Variants in TMEM266 observed in about 807,000 individuals in gnomAD.
TMEM266 encodes Hv1 related protein 1.
A neutral mutation model predicts 50.5 loss-of-function variants in TMEM266; 33 were observed. The observed-to-expected ratio is 0.65, with a 90% CI of 0.50 to 0.87. The LOEUF (loss-of-function observed/expected upper bound fraction) is 0.87, where lower values mean the gene tolerates loss of function less well. Ranked by LOEUF, TMEM266 falls within the 40% of genes least tolerant of loss-of-function variation. TMEM266 has a pLI of 0.00. For synonymous variants in TMEM266, 310 were observed against 292.3 expected (o/e 1.06, Z -0.62); for missense variants, 655 against 695.1 (o/e 0.94, Z 0.65).
Position 76,204,414 on chromosome 15 carries a change from C to A in TMEM266, c.*99C>A, listed in dbSNP as rs2038804313. On this transcript the variant is annotated 3_prime_UTR_variant, in exon 11 of 11. Transcript: ENST00000388942. ...AGGGCCACACGCGGGGCCCAGGAGC[C>A]CACCTGGCCTCCCTCAGGGTGCTGC... The A allele has an allele frequency of 8.3e-7, 1 of 1,210,522 alleles. No homozygotes were observed. 75.0% of individuals were successfully genotyped at this position (1,210,522 alleles called of 1,614,324 possible).
chr15:76,165,506 G>A (rs1176219188), intron 5 of TMEM266, among the ~76,000 whole-genome samples: 1 of 152,204 alleles, frequency 6.6e-6, no homozygotes, highest in African/African-American at 2.4e-5. Context: ...AAAACCCTTC[G>A]CTCCAGGTGG....
Position 76,156,587 on chromosome 15 carries a change from C to T in TMEM266, c.228-17C>T. 6.2e-7 allele frequency: 1 copy of T among 1,612,802 alleles called. No individual in the cohort carries two copies. Among genetic ancestry groups the T allele is most frequent in the Admixed American group, 1.7e-5 (1 of 59,972 alleles). On this transcript the variant is annotated splice_polypyrimidine_tract_variant and intron_variant, in intron 3 of 10. Coordinates refer to ENST00000388942, the MANE Select transcript of TMEM266 (RefSeq NM_152335.3). ...TCCCACTCTGAGCCTCTCTTCTCCC[C>T]ACTTTTGTCCCCACAGGTCTAACTG...
At chr15:76,068,824 C>G (rs2036485465) in intron 1 of TMEM266, among the ~76,000 whole-genome samples, 1 of 152,206 alleles carries the variant, frequency 6.6e-6, no homozygotes, top group Admixed American at 6.5e-5. Context: ...GCAGCCTGCA[C>G]TAACTAATAC....
At chr15:76,134,418 C>A in intron 2 of TMEM266, 117 bp downstream of exon 2, 6 of 1,039,802 alleles carry the variant, frequency 5.8e-6, no homozygotes, top group Non-Finnish European at 8.3e-6. Context: ...CAGGAGGCCA[C>A]AGAAAATGGA....
intron 2 of TMEM266, among the ~76,000 whole-genome samples, chr15:76,136,621 G>T (rs1014273548): frequency 6.6e-6 from 1 of 152,108 alleles, no homozygotes; most frequent in African/African-American, 2.4e-5. Flanking sequence ...TTATACAATT[G>T]TTCCTTTCTA....
intron 8 of TMEM266, chr15:76,175,975 A>G (rs2038270835): frequency 7.1e-6 from 2 of 281,504 alleles, no homozygotes; most frequent in Non-Finnish European, 6.8e-6. Flanking sequence ...AGTTCATCAG[A>G]GTCTTCTCGG....
intron 8 of TMEM266, among the ~76,000 whole-genome samples, chr15:76,183,126 TTTTTTTTG>T: frequency 7.5e-6 from 1 of 133,420 alleles, no homozygotes. Context: ...TTTTTTTTTT[TTTTTTTTG>T]AGATGGAGTC....
intron 1 of TMEM266, chr15:76,112,053 T>A (rs1203310311): frequency 3.3e-5 from 5 of 152,232 alleles, no homozygotes; most frequent in Non-Finnish European, 4.4e-5. Context: ...GCATACTGTA[T>A]GATTCCACCT....
At chr15:76,120,817 G>A (rs1017987174) in intron 1 of TMEM266, among the ~76,000 whole-genome samples, 1 of 150,484 alleles carries the variant, frequency 6.6e-6, no homozygotes, top group Non-Finnish European at 1.5e-5. Context: ...ACATTGGTAT[G>A]TGTTTTTGCA....
chr15:76,132,271 G>A (rs2037520419), intron 1 of TMEM266, among the ~76,000 whole-genome samples: 1 of 151,730 alleles, frequency 6.6e-6, no homozygotes, highest in Non-Finnish European at 1.5e-5. Flanking sequence ...CCCATGCCTG[G>A]CTAATATTTT....
chr15:76,203,677 C>CTCTTCA, intron 10 of TMEM266, 64 bp from the exon 11 acceptor site: 7 of 1,502,446 alleles, frequency 4.7e-6, no homozygotes, highest in Non-Finnish European at 6.4e-6. Flanking sequence ...CAGACCTGCT[C>CTCTTCA]TCTTCAGGGC....
chr15:76,169,412 T>G (rs1252232977), intron 5 of TMEM266, among the ~76,000 whole-genome samples: 2 of 152,174 alleles, frequency 1.3e-5, no homozygotes, highest in Admixed American at 1.3e-4. Flanking sequence ...AGAGCTTGTA[T>G]ATTTGAAGAT....
chr15:76,128,515 A>G (rs1461338057), intron 1 of TMEM266, among the ~76,000 whole-genome samples: 1 of 152,132 alleles, frequency 6.6e-6, no homozygotes, highest in Non-Finnish European at 1.5e-5. Flanking sequence ...TTTATCTTCC[A>G]CTTTTACCAG....
intron 1 of TMEM266, among the ~76,000 whole-genome samples, chr15:76,083,035 G>A (rs945937239): frequency 4.6e-5 from 7 of 151,844 alleles, no homozygotes; most frequent in Admixed American, 6.6e-5. Context: ...GAACTCACTC[G>A]TTACTGTGGG....
At chr15:76,186,743 T>A (rs1437939526) in intron 8 of TMEM266, among the ~76,000 whole-genome samples, 1 of 152,218 alleles carries the variant, frequency 6.6e-6, no homozygotes, top group Non-Finnish European at 1.5e-5. Context: ...CTGTTCTCCA[T>A]TCTGCGGTCA....
chr15:76,093,050 CCCGCCTCG>C (rs2036872157), intron 1 of TMEM266, among the ~76,000 whole-genome samples: 1 of 151,784 alleles, frequency 6.6e-6, no homozygotes, highest in Non-Finnish European at 1.5e-5. Flanking sequence ...TCGTGATCCA[CCCGCCTCG>C]GCCTCCTAAA....
In TMEM266 at chr15:76,168,266, A is replaced by G. The variant is rs1043584262; in HGVS notation, c.457-1550A>G. On this transcript the variant is annotated intron_variant, in intron 5 of 10. Coordinates refer to ENST00000388942, the MANE Select transcript of TMEM266 (RefSeq NM_152335.3). This position sits in a 1 kb window ranked among gnomAD's most constrained non-coding sequence, Gnocchi z 4.4. Reference sequence around the variant, plus strand: ...CGGGCTGCCACATGCTCCTCTCTCTACTCAGAGAAGGCAACATGACTGTCC... The same window carrying G: ...CGGGCTGCCACATGCTCCTCTCTCTGCTCAGAGAAGGCAACATGACTGTCC... 2.0e-5 allele frequency among the ~76,000 whole-genome samples: 3 copies of G among 152,104 alleles called. No individual in the cohort carries two copies. Among genetic ancestry groups the G allele is most frequent in the African/African-American group, 7.2e-5 (3 of 41,412 alleles).
chr15:76,137,950 G>A (rs983111515), intron 3 of TMEM266, 55 bp downstream of exon 3: 13 of 1,493,844 alleles, frequency 8.7e-6, no homozygotes, highest in African/African-American at 2.8e-5. Flanking sequence ...GGCTAGGCGC[G>A]GTGGCTCACG....
At chr15:76,060,615 A>G (rs1384111264) in intron 1 of TMEM266, among the ~76,000 whole-genome samples, 1 of 152,222 alleles carries the variant, frequency 6.6e-6, no homozygotes, top group African/African-American at 2.4e-5. Flanking sequence ...AAGCTAGGGC[A>G]GGCAGTTCCC....
Sources: allele counts gnomAD v4.1 joint callset (sites outside exome capture counted in the v4.1 genomes callset), GRCh38; gene constraint gnomAD v4.1.1; non-coding constraint Gnocchi (gnomAD v3.1); transcripts MANE v1.5; gene names NCBI Gene and HGNC (gene_info 2026-07-23, HGNC 2026-07-21).